FOXN3: variants seen among roughly 807,000 people sequenced by gnomAD.
The protein encoded by FOXN3 is forkhead box N3.
A neutral mutation model predicts 38.4 loss-of-function variants in FOXN3; 7 were observed. The observed-to-expected ratio is 0.18, with a 90% CI of 0.10 to 0.34. The LOEUF is 0.34. Ranked by LOEUF, FOXN3 falls within the 10% of genes least tolerant of loss-of-function variation. The pLI, the probability that FOXN3 is intolerant of heterozygous loss-of-function variation, is 1.00. For synonymous variants in FOXN3, 230 were observed against 242.2 expected (o/e 0.95, Z 0.47); for missense variants, 456 against 613.4 (o/e 0.74, Z 2.71).
chr14:89,217,221 A>C (rs1189369488), intron 4 of FOXN3, among the ~76,000 whole-genome samples: 1 of 151,992 alleles, frequency 6.6e-6, no homozygotes, highest in Non-Finnish European at 1.5e-5. Flanking sequence ...TGCAGCCTGG[A>C]CCTCCTGGGC....
chr14:89,359,794 G>A (rs528708284), intron 2 of FOXN3, among the ~76,000 whole-genome samples: 1 of 152,332 alleles, frequency 6.6e-6, no homozygotes, highest in East Asian at 1.9e-4. Context: ...GAGCAGGACA[G>A]GGCAACAGCC....
chr14:89,611,252 A>T (rs1363506021), intron 1 of FOXN3, among the ~76,000 whole-genome samples: 1 of 152,232 alleles, frequency 6.6e-6, no homozygotes, highest in Non-Finnish European at 1.5e-5. Flanking sequence ...TGCTGACTTA[A>T]GCCAGTTTTT....
chr14:89,205,536 G>C (rs1466404674), intron 4 of FOXN3, among the ~76,000 whole-genome samples: 2 of 152,236 alleles, frequency 1.3e-5, no homozygotes, highest in African/African-American at 2.4e-5. Flanking sequence ...AAGAGGAGCA[G>C]AACAACACAT....
At chr14:89,525,291 A>G (rs1596307503) in intron 1 of FOXN3, among the ~76,000 whole-genome samples, 2 of 138,182 alleles carry the variant, frequency 1.4e-5, no homozygotes, top group African/African-American at 4.9e-5. Flanking sequence ...ATCAAAACCA[A>G]GATGGCCACC....
At chr14:89,208,246 C>T (rs541094857) in intron 4 of FOXN3, among the ~76,000 whole-genome samples, 4 of 152,282 alleles carry the variant, frequency 2.6e-5, no homozygotes, top group South Asian at 2.1e-4. Flanking sequence ...TACCCATTGG[C>T]GTGACAATGA....
rs568864600 is a variant in FOXN3 at position 89,553,060 on chromosome 14, G to C, written c.-15+65968C>G. Among the ~76,000 whole-genome samples the C allele has an allele frequency of 9.3e-5, 14 of 150,564 alleles. No homozygotes were observed. In the South Asian group the frequency reaches 2.7e-3, roughly 29 times the overall value. On this transcript the variant is annotated intron_variant, in intron 1 of 6. Transcript: ENST00000345097. ...TCAAGGCAAGCCTGTGCAAAATGGC[G>C]AAACCTCGTCTCTACAAAAAATACA...
At chr14:89,431,870 A>T (rs1005033548) in intron 1 of FOXN3, among the ~76,000 whole-genome samples, 2 of 152,010 alleles carry the variant, frequency 1.3e-5, no homozygotes, top group Admixed American at 1.3e-4. Context: ...GCCCGCCACC[A>T]CGTCCAGCTA....
In FOXN3 at chr14:89,549,333, G is replaced by C. The variant is rs1315440307; in HGVS notation, c.-15+69695C>G. Among the ~76,000 whole-genome samples, 4 of 149,192 alleles carry C rather than the reference G, an allele frequency of 2.7e-5. No homozygotes were observed. In the Admixed American group the frequency reaches 2.7e-4, roughly 10 times the overall value. ...ATGTTAACTAATCCATGGAATTGAA[G>C]AATCTGTTAAAAGCTAATTCAGGCA... On this transcript the variant is annotated intron_variant, in intron 1 of 6. Transcript: ENST00000345097.
In FOXN3 at chr14:89,386,428, G is replaced by A. The variant is rs118158637; in HGVS notation, c.543+25506C>T. On this transcript the variant is annotated intron_variant, in intron 2 of 5. Transcript: ENST00000557258. ...CCTGCCCTGCACAACTGCAGGAGGT[G>A]CCATTTCACAGGGCTGCAACGTGAA... 7.0e-4 allele frequency among the ~76,000 whole-genome samples: 107 copies of A among 152,330 alleles called. 2 individuals carry two copies. The East Asian group carries it at 0.014, about 19-fold the overall frequency.
chr14:89,276,799 CCT>C (rs752426436), intron 4 of FOXN3, among the ~76,000 whole-genome samples: 23 of 152,194 alleles, frequency 1.5e-4, no homozygotes, highest in Non-Finnish European at 2.4e-4. Context: ...GGCAGTAGCT[CCT>C]CTCTGAACAA....
rs146307543 is a variant in FOXN3 at position 89,598,332 on chromosome 14, A to ACTC, written c.-15+20693_-15+20695dup. Among the ~76,000 whole-genome samples, 1,466 of 151,788 alleles carry ACTC rather than the reference A, an allele frequency of 9.7e-3. 17 individuals carry two copies. Among genetic ancestry groups the ACTC allele is most frequent in the African/African-American group, 0.033 (1,379 of 41,412 alleles). On this transcript the variant is annotated intron_variant, in intron 1 of 6. Transcript: ENST00000345097. The stretch of plus-strand genomic sequence containing the variant: ...TGAATTCTTATTTCTATTGCTCTTC[A>ACTC]CTCCTTACATTTCTGAGCCTTGATC...
intron 2 of FOXN3, among the ~76,000 whole-genome samples, chr14:89,357,071 G>C (rs1174325753): frequency 1.3e-5 from 2 of 152,100 alleles, no homozygotes; most frequent in Admixed American, 1.3e-4. Flanking sequence ...TGTACTCTGA[G>C]GCCAGTTAGC....
chr14:89,469,833 A>G (rs1284770738), intron 1 of FOXN3, among the ~76,000 whole-genome samples: 1 of 152,240 alleles, frequency 6.6e-6, no homozygotes, highest in Non-Finnish European at 1.5e-5. Context: ...GGATCGTTCC[A>G]TGTACACGTC....
chr14:89,179,198 T>C (rs1887601145), intron 5 of FOXN3, among the ~76,000 whole-genome samples: 1 of 152,200 alleles, frequency 6.6e-6, no homozygotes, highest in African/African-American at 2.4e-5. Context: ...CTTGTCAGAT[T>C]AGTAGAAATG....
chr14:89,297,886 G>C (rs757306378), intron 3 of FOXN3, among the ~76,000 whole-genome samples: 4 of 152,206 alleles, frequency 2.6e-5, no homozygotes, highest in Non-Finnish European at 5.9e-5. Context: ...TTGGGAACCT[G>C]AGGCAGGAGG....
chr14:89,277,098 T>TATGG (rs1886320849), intron 4 of FOXN3, among the ~76,000 whole-genome samples: 2 of 152,154 alleles, frequency 1.3e-5, no homozygotes, highest in African/African-American at 4.8e-5. Flanking sequence ...GTGAATGGAA[T>TATGG]ATGGGGGAGG....
At chr14:89,506,018 G>A (rs1407564535) in intron 1 of FOXN3, among the ~76,000 whole-genome samples, 2 of 150,562 alleles carry the variant, frequency 1.3e-5, no homozygotes, top group Non-Finnish European at 3.0e-5. Context: ...CGTCCGGGAG[G>A]GAGGTGGGGG....
chr14:89,532,947 A>G (rs1894601465), intron 1 of FOXN3, among the ~76,000 whole-genome samples: 1 of 152,250 alleles, frequency 6.6e-6, no homozygotes, highest in African/African-American at 2.4e-5. Context: ...ACTGAATCAC[A>G]AATAGAGAAA....
intron 1 of FOXN3, among the ~76,000 whole-genome samples, chr14:89,558,062 A>T (rs1029265851): frequency 6.6e-6 from 1 of 152,200 alleles, no homozygotes; most frequent in African/African-American, 2.4e-5. Flanking sequence ...CATAAGGCAA[A>T]GAAGCAAATA....
Sources: allele counts gnomAD v4.1 joint callset (sites outside exome capture counted in the v4.1 genomes callset), GRCh38; gene constraint gnomAD v4.1.1; transcripts MANE v1.5; gene names NCBI Gene and HGNC (gene_info 2026-07-23, HGNC 2026-07-21).